The following GRID2IP variants were observed in gnomAD, a reference collection of about 807,000 sequenced individuals.
GRID2IP encodes Grid2 interacting protein.
In GRID2IP, 78 loss-of-function variants were observed where a neutral mutation model predicts 114.3. That is an observed-to-expected ratio of 0.68 (90% confidence interval 0.57 to 0.82). The LOEUF is 0.82. Ranked by LOEUF, GRID2IP falls within the 40% of genes least tolerant of loss-of-function variation. The pLI is 0.00. For synonymous variants in GRID2IP, 809 were observed against 724.0 expected, an observed-to-expected ratio of 1.12 and a Z score of -1.89; for missense variants, 1,727 against 1,678.5, an observed-to-expected ratio of 1.03 and a Z score of -0.51.
chr7:6,507,133 T>G lies in GRID2IP; in HGVS notation c.2544+852A>C, dbSNP rs1281859248. 6.6e-6 allele frequency among the ~76,000 whole-genome samples: 1 copy of G among 152,198 alleles called. No homozygotes were observed. Among genetic ancestry groups the G allele is most frequent in the Non-Finnish European group, 1.5e-5 (1 of 68,030 alleles). ...GTGACTACATGTGAGAGTGAGCTAT[T>G]GATCCCAAGAAGATGGAGTTGAGGA... On this transcript the variant is annotated intron_variant, in intron 13 of 21. Transcript: ENST00000457091. The surrounding 1 kb of genome is among the most constrained non-coding windows in gnomAD (Gnocchi z 5.3).
At position 6,510,951 on chromosome 7, in the gene GRID2IP, G is replaced by T; in HGVS notation, c.1512C>A (p.Arg504=). 3 of 1,548,846 alleles carry T rather than the reference G, an allele frequency of 1.9e-6. No homozygotes were observed. The highest frequency in any genetic ancestry group is 2.6e-6 in the Non-Finnish European group (3 of 1,145,578). ...CCAGGCCCTGGGACCGGAGGCTGCG[G>T]CGGCACATGGAGGAAGCCCGCAGGG... ...RSSLRASSMC[R]RSLRSQGLEA... Residue 504 remains arginine, a synonymous_variant, in exon 9 of 22, where the codon CGC becomes CGA. Coordinates refer to ENST00000457091, the MANE Select transcript of GRID2IP (RefSeq NM_001145118.2).
intron 10 of GRID2IP, 94 bp from the exon 11 acceptor site, chr7:6,510,494 C>T (rs1786744644): frequency 4.6e-6 from 6 of 1,297,142 alleles, no homozygotes; most frequent in Non-Finnish European, 6.3e-6. Context: ...CAGGGATATG[C>T]CCCAGCCTGA....
chr7:6,516,622 C>T lies in GRID2IP; in HGVS notation c.1269-2093G>A, dbSNP rs1157433536. Among the ~76,000 whole-genome samples, 1 of 152,142 alleles carries T rather than the reference C, an allele frequency of 6.6e-6. No homozygotes were observed. The highest frequency in any genetic ancestry group is 1.9e-4 in the East Asian group (1 of 5,170). On this transcript the variant is annotated intron_variant, in intron 7 of 21. Transcript: ENST00000457091. This position sits in a 1 kb window ranked among gnomAD's most constrained non-coding sequence, Gnocchi z 4.3. Reference sequence around the variant, plus strand: ...AGTTAAAGAAGACTCTGCTCCACCACTGCTTGCCCGCCCGCAGCCACCCAG... The same window carrying T: ...AGTTAAAGAAGACTCTGCTCCACCATTGCTTGCCCGCCCGCAGCCACCCAG...
intron 4 of GRID2IP, among the ~76,000 whole-genome samples, chr7:6,524,295 G>A (rs1185947411): frequency 6.6e-6 from 1 of 152,216 alleles, no homozygotes; most frequent in Non-Finnish European, 1.5e-5. Flanking sequence ...CACACAGAGT[G>A]TGGAAAGAAT....
chr7:6,530,975 C>G (rs1779609979), intron 2 of GRID2IP: 1 of 592,376 alleles, frequency 1.7e-6, no homozygotes, highest in Non-Finnish European at 3.0e-6. Context: ...CCTCCACGCT[C>G]CAGCCCCACC....
rs1222814850 is a variant in GRID2IP at position 6,509,193 on chromosome 7, G to A, written c.1892C>T (p.Ala631Val). The change falls in exon 12 of 22, where the codon GCC becomes GTC. Residue 631 changes from alanine to valine, a missense_variant. By Grantham distance (64) the Ala-to-Val change is moderately conservative. Transcript: ENST00000457091. The surrounding 1 kb of genome is among the most constrained non-coding windows in gnomAD (Gnocchi z 4.9). ...GGGTGCCCTGCTGCTGTCCAGGCTGGCGTAGGGGTGGGACTCAGAGCTGCT... is the reference window on the plus strand; with the variant it reads ...GGGTGCCCTGCTGCTGTCCAGGCTGACGTAGGGGTGGGACTCAGAGCTGCT... ...SPSSSESHPY[A>V]SLDSSRAPSP... The A allele has an allele frequency of 6.7e-7, 1 of 1,484,628 alleles. No individual in the cohort carries two copies. The highest frequency in any genetic ancestry group is 1.3e-5 in the South Asian group (1 of 74,096). The allele number at this position is 1,484,628 out of a possible 1,614,324, so 92.0% of individuals were successfully genotyped here.
chr7:6,532,051 G>A lies in GRID2IP; in HGVS notation c.585-5282C>T, dbSNP rs1243405015. Among the ~76,000 whole-genome samples, 5 of 152,146 alleles carry A rather than the reference G, an allele frequency of 3.3e-5. No individual in the cohort carries two copies. The highest frequency in any genetic ancestry group is 2.6e-4 in the Admixed American group (4 of 15,270). ...AGAAGAGGGGAGGAACATTAAAGGGGAGGAGAGGGAGGCCACAGGAAAGGA... is the reference window on the plus strand; with the variant it reads ...AGAAGAGGGGAGGAACATTAAAGGGAAGGAGAGGGAGGCCACAGGAAAGGA... On this transcript the variant is annotated intron_variant, in intron 2 of 21. Transcript: ENST00000457091. This position sits in a 1 kb window ranked among gnomAD's most constrained non-coding sequence, Gnocchi z 4.4.
In GRID2IP at chr7:6,510,649, C is replaced by T. The variant is rs1227175065; in HGVS notation, c.1613G>A (p.Gly538Asp). 1 of 1,537,818 alleles carries T rather than the reference C, an allele frequency of 6.5e-7. No homozygotes were observed. The highest frequency in any genetic ancestry group is 1.2e-5 in the South Asian group (1 of 82,094). Residue 538 changes from glycine to aspartate, a missense_variant, in exon 10 of 22, where the codon GGC (glycine) becomes GAC (aspartate). Physicochemically the swap from Gly to Asp is moderately conservative, Grantham distance 94 (BLOSUM62 -1). Transcript: ENST00000457091. The part of the protein sequence containing the change: ...LPLIPGERQA[G>D]DGTSLPETPN... ...GGTCTCAGGGAGGGACGTGCCGTCG[C>T]CTGCCTGGCGCTCGCCTGGGATCAG...
In GRID2IP at chr7:6,526,171, T is replaced by C; in HGVS notation, c.919+53A>G. 2 of 1,447,262 alleles carry C rather than the reference T, an allele frequency of 1.4e-6. No homozygotes were observed. The highest frequency in any genetic ancestry group is 1.2e-5 in the South Asian group (1 of 81,920). The allele number at this position is 1,447,262 out of a possible 1,614,324, so 89.7% of individuals were successfully genotyped here. A position where few individuals can be genotyped will look rare whatever the true frequency, so the allele number is the denominator to read the frequency against. On this transcript the variant is annotated intron_variant, in intron 4 of 21. Transcript: ENST00000457091. The surrounding 1 kb of genome is among the most constrained non-coding windows in gnomAD (Gnocchi z 7.6). ...ACCCGGCAGAGCCACCACGGGGCCC[T>C]TCACCCCATCCTGGGCCTTAGGGAC... is the stretch of plus-strand genomic sequence containing the variant.
chr7:6,512,967 T>C (rs1249911628), intron 8 of GRID2IP, among the ~76,000 whole-genome samples: 3 of 152,278 alleles, frequency 2.0e-5, no homozygotes, highest in East Asian at 1.9e-4. Context: ...GCGGCTTTCA[T>C]AGCAGGTGCA....
chr7:6,526,218 C>T lies in GRID2IP; in HGVS notation c.919+6G>A, dbSNP rs1779507811. On this transcript the variant is annotated splice_donor_region_variant and intron_variant, in intron 4 of 21. Coordinates refer to ENST00000457091, the MANE Select transcript of GRID2IP (RefSeq NM_001145118.2). This position sits in a 1 kb window ranked among gnomAD's most constrained non-coding sequence, Gnocchi z 7.6. ...GGACTCTTAGGGCAACCGGCCCACC[C>T]CTCACCAGGCAGGACAGACTCGATC... The T allele has an allele frequency of 6.4e-7, 1 of 1,551,314 alleles. No individual in the cohort carries two copies. The highest frequency in any genetic ancestry group is 8.7e-7 in the Non-Finnish European group (1 of 1,146,654).
rs995818351 is a variant in GRID2IP at position 6,508,093 on chromosome 7, G to C, written c.2436C>G (p.Pro812=). 34 of 1,543,488 alleles carry C rather than the reference G, an allele frequency of 2.2e-5. No individual in the cohort carries two copies. Among genetic ancestry groups the C allele is most frequent in the East Asian group, 1.5e-4 (6 of 40,894 alleles). The stretch of plus-strand genomic sequence containing the variant: ...GGTGGCCCAGGCCCCGGGACAGCAT[G>C]GGGGGTGCACAGGGCACGGGTGGGG... ...PLPPPVPCAP[P]MLSRGLGHRR... The change falls in exon 13 of 22, where the codon CCC becomes CCG. Residue 812 remains proline (P), a synonymous_variant. Coordinates refer to ENST00000457091, the MANE Select transcript of GRID2IP (RefSeq NM_001145118.2). The surrounding 1 kb of genome is among the most constrained non-coding windows in gnomAD (Gnocchi z 5.6).
At chr7:6,542,644 A>T (rs1052656694) in intron 1 of GRID2IP, among the ~76,000 whole-genome samples, 2 of 152,150 alleles carry the variant, frequency 1.3e-5, no homozygotes, top group African/African-American at 2.4e-5. Flanking sequence ...TGGGCAACAG[A>T]TCAAGACCCC....
chr7:6,526,145 G>A lies in GRID2IP; in HGVS notation c.919+79C>T, dbSNP rs1779506687. 1 of 1,127,416 alleles carries A rather than the reference G, an allele frequency of 8.9e-7. No homozygotes were observed. The highest frequency in any genetic ancestry group is 1.3e-5 in the South Asian group (1 of 75,470). The allele number at this position is 1,127,416 out of a possible 1,614,324, so 69.8% of individuals were successfully genotyped here. ...AGCAGGAGCCTACATGGGGTACAAT[G>A]ACCCGGCAGAGCCACCACGGGGCCC... is the stretch of plus-strand genomic sequence containing the variant. On this transcript the variant is annotated intron_variant, in intron 4 of 21. Transcript: ENST00000457091. This position sits in a 1 kb window ranked among gnomAD's most constrained non-coding sequence, Gnocchi z 7.6.
In GRID2IP at chr7:6,551,349, G is replaced by A. The variant is rs769043872; in HGVS notation, c.88C>T (p.Leu30=). Residue 30 remains leucine, a synonymous_variant, in exon 1 of 22, where the codon CTG becomes TTG. Coordinates refer to ENST00000457091, the MANE Select transcript of GRID2IP (RefSeq NM_001145118.2). The stretch of plus-strand genomic sequence containing the variant: ...GCGCTGCTCCCCTTGGCCACCTCCA[G>A]GACGAAGCAGGGGCCAGAGCCACCT... ...RLGGSGPCFV[L]EVAKGSSAHA... 9 of 1,548,740 alleles carry A rather than the reference G, an allele frequency of 5.8e-6. No individual in the cohort carries two copies. Among genetic ancestry groups the A allele is most frequent in the South Asian group, 1.2e-5 (1 of 84,000 alleles).
intron 1 of GRID2IP, among the ~76,000 whole-genome samples, chr7:6,545,450 CCAGA>C (rs1282386401): frequency 1.3e-5 from 2 of 152,304 alleles, no homozygotes; most frequent in Non-Finnish European, 2.9e-5. Context: ...GCGAAGAACC[CCAGA>C]CAGTGACTCT....
At position 6,532,552 on chromosome 7, in the gene GRID2IP, T is replaced by C. The variant is rs1215314098; in HGVS notation, c.585-5783A>G. On this transcript the variant is annotated intron_variant, in intron 2 of 21. Transcript: ENST00000457091. This position sits in a 1 kb window ranked among gnomAD's most constrained non-coding sequence, Gnocchi z 4.4. ...GACCCCCCGTGGCTGTACTTCTTCCTGGAAGCAGCCAGAAACTGGAGCCAG... is the reference window on the plus strand; with the variant it reads ...GACCCCCCGTGGCTGTACTTCTTCCCGGAAGCAGCCAGAAACTGGAGCCAG... 4.6e-5 allele frequency among the ~76,000 whole-genome samples: 7 copies of C among 152,154 alleles called. No individual in the cohort carries two copies. Among genetic ancestry groups the C allele is most frequent in the Non-Finnish European group, 7.4e-5 (5 of 68,026 alleles).
rs1306704676 is a variant in GRID2IP, at chr7:6,508,203, C to G, written c.2326G>C (p.Gly776Arg). 1.1e-5 allele frequency: 16 copies of G among 1,502,262 alleles called. No homozygotes were observed. Among genetic ancestry groups the G allele is most frequent in the Non-Finnish European group, 1.2e-5 (13 of 1,126,868 alleles). 93.1% of individuals were successfully genotyped at this position (1,502,262 alleles called of 1,614,324 possible). A position where few individuals can be genotyped will look rare whatever the true frequency, so the allele number is the denominator to read the frequency against. ...DAKPSSRSSDGSRGPAQALAK... is the reference protein window; with the variant it reads ...DAKPSSRSSDRSRGPAQALAK... ...AGCGCCTGAGCAGGGCCCCGGGAAC[C>G]ATCAGAGCTGCGGGAGCTGGGCTTA... The change falls in exon 13 of 22, where the codon GGT (glycine) becomes CGT (arginine). Residue 776 changes from glycine (G) to arginine (R), a missense_variant. Physicochemically the swap from Gly to Arg is moderately radical, Grantham distance 125 (BLOSUM62 -2). Coordinates refer to ENST00000457091, the MANE Select transcript of GRID2IP (RefSeq NM_001145118.2). The surrounding 1 kb of genome is among the most constrained non-coding windows in gnomAD (Gnocchi z 5.6).
intron 7 of GRID2IP, among the ~76,000 whole-genome samples, chr7:6,518,705 C>T (rs534474274): frequency 1.3e-5 from 2 of 151,962 alleles, no homozygotes; most frequent in African/African-American, 4.8e-5. Flanking sequence ...CACTGTACTC[C>T]AGCCTGATGA....
Sources: allele counts gnomAD v4.1 joint callset (sites outside exome capture counted in the v4.1 genomes callset), GRCh38; gene constraint gnomAD v4.1.1; non-coding constraint Gnocchi (gnomAD v3.1); transcripts MANE v1.5; gene names NCBI Gene and HGNC (gene_info 2026-07-23, HGNC 2026-07-21).